ABCG2: variants seen among roughly 807,000 people sequenced by gnomAD.
The protein encoded by ABCG2 is broad substrate specificity ATP-binding cassette transporter ABCG2.
Under a neutral mutation model 73.5 loss-of-function variants are expected in ABCG2, and 80 were observed. The observed-to-expected ratio is 1.09, with a 90% CI of 0.91 to 1.31. The LOEUF is 1.31. Ranked by LOEUF, ABCG2 falls within the 50% of genes most tolerant of loss-of-function variation. The pLI, the probability that ABCG2 is intolerant of heterozygous loss-of-function variation, is 0.00. For synonymous variants in ABCG2, 269 were observed against 282.4 expected (o/e 0.95, Z 0.48); for missense variants, 796 against 786.2 (o/e 1.01, Z -0.15).
At chr4:88,215,796 A>G (rs1413043137) in intron 1 of ABCG2, among the ~76,000 whole-genome samples, 1 of 152,230 alleles carries the variant, frequency 6.6e-6, no homozygotes, top group Non-Finnish European at 1.5e-5. Flanking sequence ...GCTTCCTAAG[A>G]TGCTGCTTGA....
chr4:88,185,000 AG>A (rs1349873362), intron 1 of ABCG2, among the ~76,000 whole-genome samples: 1 of 152,234 alleles, frequency 6.6e-6, no homozygotes, highest in African/African-American at 2.4e-5. Flanking sequence ...CATATTCAGA[AG>A]AATGAATCTA....
chr4:88,220,172 A>G (rs1351243160), intron 1 of ABCG2, among the ~76,000 whole-genome samples: 2 of 152,350 alleles, frequency 1.3e-5, no homozygotes, highest in Non-Finnish European at 1.5e-5. Context: ...TTGAGGCTGC[A>G]TAATCCTCCA....
At chr4:88,098,315 A>T (rs1244578857) in intron 12 of ABCG2, among the ~76,000 whole-genome samples, 1 of 152,098 alleles carries the variant, frequency 6.6e-6, no homozygotes, top group African/African-American at 2.4e-5. Context: ...GTCAAAATAG[A>T]TATTTCCGGG....
At position 88,131,916 on chromosome 4, in the gene ABCG2, A is replaced by G; in HGVS notation, c.265T>C (p.Leu89=). The G allele has an allele frequency of 1.9e-6, 3 of 1,609,250 alleles. No individual in the cohort carries two copies. Among genetic ancestry groups the G allele is most frequent in the Non-Finnish European group, 2.6e-6 (3 of 1,175,788 alleles). The part of the protein sequence containing the change: ...LGPTGGGKSS[L]LDVLAARKDP... ...TTCCTTGCAGCTAAGACATCTAATA[A>G]CCTATAAGAGGACATATATGTTGTG... is the stretch of plus-strand genomic sequence containing the variant. The change falls in exon 4 of 16, where the codon TTA becomes CTA. Residue 89 remains leucine, a splice_region_variant and synonymous_variant. Transcript: ENST00000237612.
intron 1 of ABCG2, among the ~76,000 whole-genome samples, chr4:88,157,916 A>G (rs148226335): frequency 1.6e-3 from 249 of 152,324 alleles, no homozygotes; most frequent in African/African-American, 5.7e-3. Flanking sequence ...AGGGAGTTCA[A>G]TAATTCTTTA....
At chr4:88,214,288 C>T (rs1388861146) in intron 1 of ABCG2, among the ~76,000 whole-genome samples, 2 of 151,924 alleles carry the variant, frequency 1.3e-5, no homozygotes, top group Non-Finnish European at 2.9e-5. Context: ...TTATCTATTT[C>T]CCCCATCCTC....
Position 88,092,243 on chromosome 4 carries a change from T to C in ABCG2, c.1959A>G (p.Lys653=), listed in dbSNP as rs1721681932. ...TGAATTAAGGGGAAATTTAAGAATATTTTTTAAGAAATAACAATTTCAGGT... is the reference window on the plus strand; with the variant it reads ...TGAATTAAGGGGAAATTTAAGAATACTTTTTAAGAAATAACAATTTCAGGT... The part of the protein sequence containing the change: ...IAYLKLLFLK[K]YS Residue 653 remains lysine (K), a synonymous_variant, in exon 16 of 16, where the codon AAA becomes AAG. Transcript: ENST00000237612. 1.2e-6 allele frequency: 2 copies of C among 1,606,026 alleles called. No homozygotes were observed. The highest frequency in any genetic ancestry group is 1.1e-5 in the South Asian group (1 of 89,516).
In ABCG2 at chr4:88,090,458, A is replaced by C. The variant is rs1721577930; in HGVS notation, c.*1776T>G. 1 of 152,234 alleles carries C rather than the reference A, an allele frequency of 6.6e-6. No homozygotes were observed. Among genetic ancestry groups the C allele is most frequent in the African/African-American group, 2.4e-5 (1 of 41,470 alleles). 9.4% of individuals were successfully genotyped at this position (152,234 alleles called of 1,614,324 possible). A position where few individuals can be genotyped will look rare whatever the true frequency, so the allele number is the denominator to read the frequency against. On this transcript the variant is annotated 3_prime_UTR_variant, in exon 16 of 16. Transcript: ENST00000237612. The stretch of plus-strand genomic sequence containing the variant: ...ATACCAAGAACAGGAAAAACTGATT[A>C]ATCTTCCTGATCACATAACCAAGAA...
intron 1 of ABCG2, among the ~76,000 whole-genome samples, chr4:88,179,422 T>C (rs747425986): frequency 1.3e-5 from 2 of 152,052 alleles, no homozygotes; most frequent in African/African-American, 4.8e-5. Flanking sequence ...ACCGTACACC[T>C]GGAAAGCCTT....
At chr4:88,128,835 G>A (rs767063240) in intron 5 of ABCG2, among the ~76,000 whole-genome samples, 4 of 152,136 alleles carry the variant, frequency 2.6e-5, no homozygotes, top group Non-Finnish European at 5.9e-5. Context: ...ATGGGTTGAA[G>A]GGTGCAGCAA....
upstream of ABCG2, among the ~76,000 whole-genome samples, chr4:88,161,021 A>T (rs530922175): frequency 5.8e-3 from 879 of 151,828 alleles, 10 homozygotes; most frequent in African/African-American, 0.02. Context: ...ACAAAAAAAA[A>T]ATATTTTAAA....
intron 10 of ABCG2, among the ~76,000 whole-genome samples, chr4:88,102,609 T>A (rs199992809): frequency 2.2e-5 from 3 of 134,230 alleles, no homozygotes; most frequent in African/African-American, 2.6e-5. Context: ...AAAAAAAAAA[T>A]TAAAAAATAA....
At chr4:88,157,362 G>A (rs1045131610) in intron 1 of ABCG2, among the ~76,000 whole-genome samples, 2 of 152,186 alleles carry the variant, frequency 1.3e-5, no homozygotes, top group African/African-American at 4.8e-5. Flanking sequence ...AATGCAAAGT[G>A]AGATCATCGA....
chr4:88,116,031 C>A (rs181028812), intron 7 of ABCG2, among the ~76,000 whole-genome samples: 333 of 152,248 alleles, frequency 2.2e-3, no homozygotes, highest in Non-Finnish European at 3.7e-3. Flanking sequence ...CCCATCTCTA[C>A]TAAAAACACA....
chr4:88,178,437 C>T (rs540825328), intron 1 of ABCG2, among the ~76,000 whole-genome samples: 6 of 152,184 alleles, frequency 3.9e-5, no homozygotes, highest in East Asian at 3.9e-4. Flanking sequence ...GTTGTAGGCA[C>T]GGGGTGAGAC....
intron 1 of ABCG2, among the ~76,000 whole-genome samples, chr4:88,155,633 G>T (rs1054171164): frequency 1.3e-5 from 2 of 152,208 alleles, no homozygotes; most frequent in Non-Finnish European, 2.9e-5. Flanking sequence ...GGCCGGGCAC[G>T]GTGGCTCATG....
At chr4:88,205,826 G>A (rs1344221476) in intron 1 of ABCG2, among the ~76,000 whole-genome samples, 1 of 152,164 alleles carries the variant, frequency 6.6e-6, no homozygotes. Flanking sequence ...GGGACCACAG[G>A]TGCACGCCAC....
At chr4:88,213,293 T>C (rs1729673923) in intron 1 of ABCG2, among the ~76,000 whole-genome samples, 1 of 152,226 alleles carries the variant, frequency 6.6e-6, no homozygotes, top group African/African-American at 2.4e-5. Context: ...CCTAGCCCAT[T>C]CACTCTTCTG....
At chr4:88,183,683 G>A (rs1446153162) in intron 1 of ABCG2, among the ~76,000 whole-genome samples, 1 of 151,558 alleles carries the variant, frequency 6.6e-6, no homozygotes, top group Non-Finnish European at 1.5e-5. Flanking sequence ...AAAAATAGAG[G>A]AAGAGGGAAT....
Sources: allele counts gnomAD v4.1 joint callset (sites outside exome capture counted in the v4.1 genomes callset), GRCh38; gene constraint gnomAD v4.1.1; transcripts MANE v1.5; gene names NCBI Gene and HGNC (gene_info 2026-07-23, HGNC 2026-07-21).